The following ADCY9 variants were observed in gnomAD, a reference collection of about 807,000 sequenced individuals.
The protein encoded by ADCY9 is adenylate cyclase 9, also known as adenylate cyclase type 9.
Under a neutral mutation model 101.5 loss-of-function variants are expected in ADCY9, and 50 were observed. The observed-to-expected ratio is 0.49, with a 90% CI of 0.39 to 0.62. ADCY9 has a LOEUF of 0.62. Among genes scored for constraint, ADCY9 ranks in the 20% least tolerant of loss-of-function variants. The pLI, the probability that ADCY9 is intolerant of heterozygous loss-of-function variation, is 0.00. For missense variants in ADCY9, 1,662 were observed against 1,800.4 expected (o/e 0.92, Z 1.39); for synonymous variants, 905 against 769.3 (o/e 1.18, Z -2.92).
chr16:4,082,404 T>C (rs2056909134), intron 2 of ADCY9, among the ~76,000 whole-genome samples: 2 of 152,106 alleles, frequency 1.3e-5, no homozygotes, highest in South Asian at 2.1e-4. Context: ...CAAAATTCTA[T>C]GTTTTAACTA....
At chr16:4,082,485 C>T (rs1409226349) in intron 2 of ADCY9, among the ~76,000 whole-genome samples, 1 of 152,226 alleles carries the variant, frequency 6.6e-6, no homozygotes, top group African/African-American at 2.4e-5. Context: ...CGTTCCCACA[C>T]ACCTACCTTC....
At chr16:4,065,853 A>G (rs546760069) in intron 2 of ADCY9, among the ~76,000 whole-genome samples, 46 of 150,658 alleles carry the variant, frequency 3.1e-4, no homozygotes, top group Non-Finnish European at 6.4e-4. Flanking sequence ...ACAGGCGCCC[A>G]CTGCCACACC....
intron 2 of ADCY9, among the ~76,000 whole-genome samples, chr16:4,047,790 C>A (rs537856196): frequency 1.1e-4 from 17 of 152,304 alleles, no homozygotes; most frequent in Middle Eastern, 3.4e-3. Flanking sequence ...AACTCCTGAC[C>A]TCAGGTGATC....
chr16:4,115,763 C>T lies in ADCY9; in HGVS notation c.-117G>A, dbSNP rs1190592300. 4 of 407,214 alleles carry T rather than the reference C, an allele frequency of 9.8e-6. No homozygotes were observed. Among genetic ancestry groups the T allele is most frequent in the Admixed American group, 4.1e-5 (1 of 24,458 alleles). 25.2% of individuals were successfully genotyped at this position (407,214 alleles called of 1,614,324 possible). A position where few individuals can be genotyped will look rare whatever the true frequency, so the allele number is the denominator to read the frequency against. On this transcript the variant is annotated 5_prime_UTR_variant, in exon 1 of 11. Coordinates refer to ENST00000294016, the MANE Select transcript of ADCY9 (RefSeq NM_001116.4). This position sits in a 1 kb window ranked among gnomAD's most constrained non-coding sequence, Gnocchi z 6.2. ...CGCTTTGCTCGCTCGCCTTCCGCGC[C>T]TCTCGCCCCGAGGGTGGCCTCCGCG... is the stretch of plus-strand genomic sequence containing the variant.
chr16:4,040,348 G>A (rs892983173), intron 2 of ADCY9, among the ~76,000 whole-genome samples: 2 of 152,002 alleles, frequency 1.3e-5, no homozygotes, highest in African/African-American at 2.4e-5. Flanking sequence ...AATCAAGAAA[G>A]CTTCTTTTAA....
intron 9 of ADCY9, among the ~76,000 whole-genome samples, chr16:3,976,192 C>T (rs923238025): frequency 1.3e-5 from 2 of 152,034 alleles, no homozygotes; most frequent in African/African-American, 2.4e-5. Flanking sequence ...AGGGTTTCAC[C>T]GTGTTGCCCA....
chr16:4,038,153 C>T (rs1169856124), intron 2 of ADCY9, among the ~76,000 whole-genome samples: 5 of 152,024 alleles, frequency 3.3e-5, no homozygotes, highest in Admixed American at 1.3e-4. Context: ...TGGTGGCACA[C>T]GCCTGTGGTC....
At chr16:3,999,056 T>G (rs1309884008) in intron 3 of ADCY9, among the ~76,000 whole-genome samples, 1 of 152,106 alleles carries the variant, frequency 6.6e-6, no homozygotes, top group Non-Finnish European at 1.5e-5. Flanking sequence ...TGTGAAATGT[T>G]TCCCAGCCGG....
At chr16:3,976,776 G>A (rs566500518) in intron 9 of ADCY9, among the ~76,000 whole-genome samples, 2 of 152,282 alleles carry the variant, frequency 1.3e-5, no homozygotes, top group East Asian at 3.9e-4. Flanking sequence ...TCCTACCTCA[G>A]CCTCCCAAGT....
At position 4,114,804 on chromosome 16, in the gene ADCY9, G is replaced by C. The variant is rs748111882; in HGVS notation, c.639C>G (p.Pro213=). 8.1e-6 allele frequency: 13 copies of C among 1,613,250 alleles called. No individual in the cohort carries two copies. Among genetic ancestry groups the C allele is most frequent in the Non-Finnish European group, 1.1e-5 (13 of 1,180,048 alleles). Residue 213 remains proline, a synonymous_variant, in exon 2 of 11, where the codon CCC becomes CCG. Coordinates refer to ENST00000294016, the MANE Select transcript of ADCY9 (RefSeq NM_001116.4). This position sits in a 1 kb window ranked among gnomAD's most constrained non-coding sequence, Gnocchi z 4.3. ...DSSNLTATAR[P]TDTCLSQVGS... is the part of the protein sequence containing the mutation. ...CCACTTGAGATAAGCAAGTATCTGT[G>C]GGCCGGGCTGTGGCCGTAAGGTTGG...
At position 4,114,986 on chromosome 16, in the gene ADCY9, G is replaced by T. The variant is rs3730098; in HGVS notation, c.457C>A (p.Leu153Ile). The change falls in exon 2 of 11, where the codon CTC (leucine) becomes ATC (isoleucine). Residue 153 changes from leucine (L) to isoleucine (I), a missense_variant. Leu to Ile is a conservative substitution (Grantham distance 5, BLOSUM62 2). Coordinates refer to ENST00000294016, the MANE Select transcript of ADCY9 (RefSeq NM_001116.4). This position sits in a 1 kb window ranked among gnomAD's most constrained non-coding sequence, Gnocchi z 4.3. ...IVMVAPALCF[L>I]LVCVGFFLFT... The stretch of plus-strand genomic sequence containing the variant: ...AGAAAGAAGCCCACACACACCAGGA[G>T]GAAGCACAGCGCGGGGGCGACCATG... 2 of 1,613,976 alleles carry T rather than the reference G, an allele frequency of 1.2e-6. No homozygotes were observed. The highest frequency in any genetic ancestry group is 1.7e-6 in the Non-Finnish European group (2 of 1,180,048).
At chr16:4,069,001 T>C (rs1050664673) in intron 2 of ADCY9, among the ~76,000 whole-genome samples, 2 of 152,162 alleles carry the variant, frequency 1.3e-5, no homozygotes, top group Non-Finnish European at 2.9e-5. Flanking sequence ...AAGATTCTCA[T>C]ACATACATTT....
At chr16:4,109,577 T>A (rs2057100687) in intron 2 of ADCY9, among the ~76,000 whole-genome samples, 1 of 152,164 alleles carries the variant, frequency 6.6e-6, no homozygotes, top group Admixed American at 6.5e-5. Flanking sequence ...CTCCACATTG[T>A]CGCCAAGTCA....
At chr16:3,956,229 C>A (rs2055905549) in intron 5 of ADCY9, among the ~76,000 whole-genome samples, 1 of 151,934 alleles carries the variant, frequency 6.6e-6, no homozygotes, top group African/African-American at 2.4e-5. Context: ...CCTGAGAGCT[C>A]CAATTGCCAC....
intron 2 of ADCY9, among the ~76,000 whole-genome samples, chr16:4,079,601 T>C (rs1191095159): frequency 6.6e-6 from 1 of 152,000 alleles, no homozygotes; most frequent in Non-Finnish European, 1.5e-5. Flanking sequence ...TAAACAAAGA[T>C]GTACATACAG....
At chr16:4,031,819 G>A (rs1185513165) in intron 2 of ADCY9, among the ~76,000 whole-genome samples, 1 of 151,910 alleles carries the variant, frequency 6.6e-6, no homozygotes, top group Non-Finnish European at 1.5e-5. Flanking sequence ...CGAGGCAGAG[G>A]TGAGCCATCA....
chr16:3,963,213 A>G lies in ADCY9; in HGVS notation c.*2562T>C, dbSNP rs1239943650. On this transcript the variant is annotated 3_prime_UTR_variant, in exon 11 of 11. Transcript: ENST00000294016. Reference sequence around the variant, plus strand: ...ATTGCAACTCAAAGCAACTATTTACACACATTCAATGCTGAAGTATTGCTT... The same window carrying G: ...ATTGCAACTCAAAGCAACTATTTACGCACATTCAATGCTGAAGTATTGCTT... 2 of 385,620 alleles carry G rather than the reference A, an allele frequency of 5.2e-6. No individual in the cohort carries two copies. Among genetic ancestry groups the G allele is most frequent in the Admixed American group, 9.0e-5 (2 of 22,216 alleles). 23.9% of individuals were successfully genotyped at this position (385,620 alleles called of 1,614,324 possible).
downstream of ADCY9, among the ~76,000 whole-genome samples, chr16:3,962,361 C>T (rs2141665195): frequency 6.6e-6 from 1 of 152,296 alleles, no homozygotes; most frequent in Non-Finnish European, 1.5e-5. Context: ...CAGGGAAAAT[C>T]TCACAAGCAA....
intron 8 of ADCY9, among the ~76,000 whole-genome samples, chr16:3,978,734 T>C (rs1822591808): frequency 6.6e-6 from 1 of 152,188 alleles, no homozygotes; most frequent in Non-Finnish European, 1.5e-5. Flanking sequence ...TTTTATTTTA[T>C]TTTGTGACGC....
Sources: gnomAD v4.1 joint callset for allele counts (sites outside exome capture counted in the v4.1 genomes callset) on GRCh38, gnomAD v4.1.1 for gene constraint, Gnocchi (gnomAD v3.1) non-coding constraint, MANE v1.5 for transcripts, NCBI Gene and HGNC (gene_info 2026-07-23, HGNC 2026-07-21) for gene names.